The following ALS2CL variants were observed in gnomAD, a reference collection of about 807,000 sequenced individuals.
ALS2CL encodes the protein ALS2 C-terminal like.
Under a neutral mutation model 127.9 loss-of-function variants are expected in ALS2CL, and 112 were observed. That is an observed-to-expected ratio of 0.88 (90% CI 0.75 to 1.02). The LOEUF is 1.02. ALS2CL is among the 50% of genes least tolerant of loss of function. ALS2CL has a pLI of 0.00. For synonymous variants in ALS2CL, 519 were observed against 527.6 expected, an observed-to-expected ratio of 0.98 and a Z score of 0.22; for missense variants, 1,174 against 1,236.7, an observed-to-expected ratio of 0.95 and a Z score of 0.76.
Position 46,685,540 on chromosome 3 carries a change from G to A in ALS2CL, c.771C>T (p.Ala257=). The part of the protein sequence containing the change: ...RAERVLLFDD[A]LVLLQGHNVH... ...CCACCCCAACCTGCAGCAGGACGAG[G>A]GCATCATCAAAGAGCAGCACACGCT... The change falls in exon 7 of 26, where the codon GCC becomes GCT. Residue 257 remains alanine (A), a synonymous_variant. Coordinates refer to ENST00000318962, the MANE Select transcript of ALS2CL (RefSeq NM_147129.5). 1 of 1,613,918 alleles carries A rather than the reference G, an allele frequency of 6.2e-7. No individual in the cohort carries two copies.
At position 46,672,027 on chromosome 3, in the gene ALS2CL, C is replaced by T. The variant is rs370602500; in HGVS notation, c.2541G>A (p.Thr847=). The part of the protein sequence containing the change: ...ATECLQKIMT[T]VDPREKLEVL... ...CCTCCAGCTTCTCCCGTGGGTCCAC[C>T]GTGGTCCTGCAGCAGGGTAGCTGGC... Residue 847 remains threonine, a synonymous_variant, in exon 24 of 26, where the codon ACG becomes ACA. Transcript: ENST00000318962. 1.2e-5 allele frequency: 20 copies of T among 1,613,986 alleles called. No individual in the cohort carries two copies. Among genetic ancestry groups the T allele is most frequent in the South Asian group, 9.9e-5 (9 of 91,072 alleles).
chr3:46,687,492 C>T, intron 4 of ALS2CL, 127 bp downstream of exon 4: 1 of 1,106,216 alleles, frequency 9.0e-7, no homozygotes, highest in South Asian at 1.5e-5. Context: ...ATTTGTAGAG[C>T]CAGGAGTCCT....
At position 46,681,308 on chromosome 3, in the gene ALS2CL, C is replaced by T. The variant is rs1050047506; in HGVS notation, c.1374G>A (p.Arg458=). The T allele has an allele frequency of 6.2e-7, 1 of 1,613,776 alleles. No homozygotes were observed. The highest frequency in any genetic ancestry group is 1.3e-5 in the African/African-American group (1 of 74,892). The change falls in exon 13 of 26, where the codon AGG becomes AGA. Residue 458 remains arginine, a synonymous_variant. Coordinates refer to ENST00000318962, the MANE Select transcript of ALS2CL (RefSeq NM_147129.5). This position sits in a 1 kb window ranked among gnomAD's most constrained non-coding sequence, Gnocchi z 4.9. ...ESGPQAPQPF[R]YTGHWERGQR... is the part of the protein sequence containing the mutation. ...GGCCCCTCTCCCAGTGGCCCGTGTACCTGAAGGGCTGGGGGGCCTGCGGAC... is the reference window on the plus strand; with the variant it reads ...GGCCCCTCTCCCAGTGGCCCGTGTATCTGAAGGGCTGGGGGGCCTGCGGAC...
In ALS2CL at chr3:46,681,408, C is replaced by A; in HGVS notation, c.1275-1G>T. 1 of 1,605,808 alleles carries A rather than the reference C, an allele frequency of 6.2e-7. No homozygotes were observed. Among genetic ancestry groups the A allele is most frequent in the Non-Finnish European group, 8.5e-7 (1 of 1,173,694 alleles). ...CTTGTACACCTCGTCGGTGCTGTAC[C>A]TGGGGAGGGCCATCAACAACGAGCT... On this transcript the variant is annotated splice_acceptor_variant, in intron 12 of 25. Coordinates refer to ENST00000318962, the MANE Select transcript of ALS2CL (RefSeq NM_147129.5). LOFTEE classifies it high-confidence loss of function. This position sits in a 1 kb window ranked among gnomAD's most constrained non-coding sequence, Gnocchi z 4.9.
intron 1 of ALS2CL, among the ~76,000 whole-genome samples, chr3:46,689,698 A>C (rs2106749761): frequency 6.6e-6 from 1 of 152,320 alleles, no homozygotes; most frequent in South Asian, 2.1e-4. Context: ...AGAGCTGCCA[A>C]GGGAAGCAAC....
chr3:46,689,534 A>G, intron 1 of ALS2CL, 69 bp from the exon 2 acceptor site: 1 of 1,098,448 alleles, frequency 9.1e-7, no homozygotes, highest in East Asian at 2.6e-5. Flanking sequence ...CCTCTCAGGC[A>G]GGGTGCCCAG....
chr3:46,676,499 A>C lies in ALS2CL; in HGVS notation c.2029-97T>G. 1.9e-6 allele frequency: 3 copies of C among 1,567,368 alleles called. No individual in the cohort carries two copies. The Admixed American group carries it at 5.1e-5, about 27-fold the overall frequency. Reference sequence around the variant, plus strand: ...TCCCAACACTTCTCCCATCTCATACACGAGAACACTGAGGTCCTCTGAGGA... The same window carrying C: ...TCCCAACACTTCTCCCATCTCATACCCGAGAACACTGAGGTCCTCTGAGGA... On this transcript the variant is annotated intron_variant, in intron 18 of 25. Transcript: ENST00000318962.
At chr3:46,682,234 C>T (rs148601114) in intron 10 of ALS2CL, 140 bp from the exon 11 acceptor site, 29 of 891,942 alleles carry the variant, frequency 3.3e-5, no homozygotes, top group African/African-American at 4.9e-5. Flanking sequence ...GTCTGAGCTC[C>T]GAACATTCCT....
chr3:46,674,547 G>T lies in ALS2CL; in HGVS notation c.2429+19C>A. 1 of 1,604,126 alleles carries T rather than the reference G, an allele frequency of 6.2e-7. No homozygotes were observed. The highest frequency in any genetic ancestry group is 1.7e-5 in the Admixed American group (1 of 59,230). Reference sequence around the variant, plus strand: ...GTTTGAGTCCTGGCTAACACGGCACGGGGGAAGGGAAGGCTTACTTCTGCA... The same window carrying T: ...GTTTGAGTCCTGGCTAACACGGCACTGGGGAAGGGAAGGCTTACTTCTGCA... On this transcript the variant is annotated intron_variant, in intron 21 of 25. Coordinates refer to ENST00000318962, the MANE Select transcript of ALS2CL (RefSeq NM_147129.5).
chr3:46,679,396 G>T, intron 14 of ALS2CL, 109 bp from the exon 15 acceptor site: 1 of 965,058 alleles, frequency 1.0e-6, no homozygotes, highest in Non-Finnish European at 1.6e-6. Context: ...GACACATGGC[G>T]AGAGGGGCCC....
intron 14 of ALS2CL, 21 bp downstream of exon 14, chr3:46,680,409 C>T: frequency 1.2e-6 from 2 of 1,607,630 alleles, no homozygotes; most frequent in Non-Finnish European, 1.7e-6. Context: ...AGAGGGATAG[C>T]CCAGGATACA....
chr3:46,675,898 C>T (rs1698774484), intron 19 of ALS2CL: 1 of 1,434,886 alleles, frequency 7.0e-7, no homozygotes, highest in Non-Finnish European at 9.1e-7. Context: ...GCATCTAAGG[C>T]TTCTATTTGC....
In ALS2CL at chr3:46,680,554, G is replaced by A. The variant is rs997901565; in HGVS notation, c.1437-13C>T. The A allele has an allele frequency of 1.9e-5, 30 of 1,608,906 alleles. No homozygotes were observed. In the Admixed American group the frequency reaches 2.5e-4, roughly 13 times the overall value. On this transcript the variant is annotated splice_polypyrimidine_tract_variant and intron_variant, in intron 13 of 25. Transcript: ENST00000318962. ...GTAGCGCTCACCTCTGGAAGGAGAG[G>A]AATGTGGCCAGAGTTGGATCAGACT...
chr3:46,690,169 G>C (rs367824901), intron 1 of ALS2CL, among the ~76,000 whole-genome samples: 2 of 152,240 alleles, frequency 1.3e-5, no homozygotes, highest in Admixed American at 6.5e-5. Flanking sequence ...TCAGTCGGCC[G>C]TGGACAGCCA....
At chr3:46,691,554 T>G (rs1250231704) in intron 1 of ALS2CL, among the ~76,000 whole-genome samples, 1 of 151,936 alleles carries the variant, frequency 6.6e-6, no homozygotes, top group East Asian at 1.9e-4. Context: ...CTGCCCAGTC[T>G]CAGCTGCTCC....
intron 14 of ALS2CL, chr3:46,680,141 T>C (rs1444382182): frequency 7.4e-6 from 3 of 403,634 alleles, no homozygotes; most frequent in African/African-American, 2.0e-5. Context: ...TGTCAGCTAA[T>C]GCATCATCAT....
Sources: gnomAD v4.1 joint callset for allele counts (sites outside exome capture counted in the v4.1 genomes callset) on GRCh38, gnomAD v4.1.1 for gene constraint, Gnocchi (gnomAD v3.1) non-coding constraint, MANE v1.5 for transcripts, NCBI Gene and HGNC (gene_info 2026-07-23, HGNC 2026-07-21) for gene names.